The following SPAG16 variants were observed in gnomAD, a reference collection of about 807,000 sequenced individuals.
SPAG16 encodes sperm-associated antigen 16 protein.
Under a neutral mutation model 80.4 loss-of-function variants are expected in SPAG16, and 86 were observed. The observed-to-expected ratio is 1.07, with a 90% confidence interval of 0.90 to 1.28. The LOEUF is 1.28. Ranked by LOEUF, SPAG16 falls within the 50% of genes most tolerant of loss-of-function variation. The pLI is 0.00. For missense variants in SPAG16, 870 were observed against 765.3 expected (o/e 1.14, Z -1.61); for synonymous variants, 294 against 265.9 (o/e 1.11, Z -1.03).
At chr2:213,665,655 C>G (rs2063573637) in intron 10 of SPAG16, among the ~76,000 whole-genome samples, 1 of 152,126 alleles carries the variant, frequency 6.6e-6, no homozygotes, top group African/African-American at 2.4e-5. Context: ...TTTCATCAAC[C>G]AATAAATACA....
chr2:213,442,352 T>A (rs1227660855), intron 9 of SPAG16, among the ~76,000 whole-genome samples: 1 of 152,244 alleles, frequency 6.6e-6, no homozygotes, highest in African/African-American at 2.4e-5. Flanking sequence ...TCTTTCCAAC[T>A]TGACCAGTAG....
At chr2:213,573,098 A>G (rs1367285691) in intron 10 of SPAG16, among the ~76,000 whole-genome samples, 2 of 152,072 alleles carry the variant, frequency 1.3e-5, no homozygotes, top group African/African-American at 2.4e-5. Flanking sequence ...GCTTTGGCTC[A>G]CGCACGGTGC....
intron 12 of SPAG16, among the ~76,000 whole-genome samples, chr2:213,935,201 C>CAAAA (rs397872306): frequency 9.7e-6 from 1 of 102,768 alleles, no homozygotes; most frequent in African/African-American, 3.7e-5. Context: ...GACTCCATCT[C>CAAAA]AAAAAAAAAA....
At chr2:214,055,887 A>T (rs1367531241) in intron 13 of SPAG16, among the ~76,000 whole-genome samples, 2 of 152,118 alleles carry the variant, frequency 1.3e-5, no homozygotes, top group Non-Finnish European at 2.9e-5. Context: ...ATCATTTATG[A>T]AAGGCATGTT....
intron 15 of SPAG16, among the ~76,000 whole-genome samples, chr2:214,217,329 C>CT (rs1368252814): frequency 1.3e-5 from 2 of 152,124 alleles, no homozygotes; most frequent in Non-Finnish European, 2.9e-5. Flanking sequence ...GTCAAAGCTC[C>CT]TGTTTGCATT....
chr2:213,344,649 A>G (rs1040387505), intron 6 of SPAG16, among the ~76,000 whole-genome samples: 6 of 151,338 alleles, frequency 4.0e-5, no homozygotes, highest in African/African-American at 1.2e-4. Context: ...TTGTCCTTGC[A>G]ATAGTTTGCT....
chr2:213,702,870 C>T (rs991001776), intron 10 of SPAG16, among the ~76,000 whole-genome samples: 1 of 152,164 alleles, frequency 6.6e-6, no homozygotes, highest in African/African-American at 2.4e-5. Context: ...GGAAGCCTAA[C>T]AATAGTACTA....
At chr2:213,884,502 C>A (rs374487133) in intron 11 of SPAG16, among the ~76,000 whole-genome samples, 51 of 152,024 alleles carry the variant, frequency 3.4e-4, no homozygotes, top group African/African-American at 1.2e-3. Flanking sequence ...GTAGTATCTA[C>A]GCTGTTCTCC....
At chr2:213,339,186 T>C (rs1452736992) in intron 5 of SPAG16, among the ~76,000 whole-genome samples, 1 of 152,206 alleles carries the variant, frequency 6.6e-6, no homozygotes, top group African/African-American at 2.4e-5. Context: ...TAGCATCCCA[T>C]ACGCTGATCC....
chr2:213,623,360 C>A (rs578080778), intron 10 of SPAG16, among the ~76,000 whole-genome samples: 2 of 151,874 alleles, frequency 1.3e-5, no homozygotes, highest in African/African-American at 2.4e-5. Context: ...GAATTCTATG[C>A]TTTCCTTGAA....
In SPAG16 at chr2:213,908,313, C is replaced by T. The variant is rs576302925; in HGVS notation, c.1215-21647C>T. Among the ~76,000 whole-genome samples the T allele has an allele frequency of 2.0e-5, 3 of 152,308 alleles. No homozygotes were observed. In the South Asian group the frequency reaches 6.2e-4, roughly 32 times the overall value. On this transcript the variant is annotated intron_variant, in intron 11 of 15. Coordinates refer to ENST00000331683, the MANE Select transcript of SPAG16 (RefSeq NM_024532.5). ...TTCACTCTTTTTCTGTGCTGTTCTGCACATCATTCTCCTTTTGAACTCCAC... is the reference window on the plus strand; with the variant it reads ...TTCACTCTTTTTCTGTGCTGTTCTGTACATCATTCTCCTTTTGAACTCCAC...
chr2:214,065,898 A>G (rs2050507001), intron 13 of SPAG16, among the ~76,000 whole-genome samples: 1 of 151,992 alleles, frequency 6.6e-6, no homozygotes, highest in African/African-American at 2.4e-5. Flanking sequence ...CTCTCTCCAA[A>G]CTTTGTCAAC....
chr2:213,563,541 G>A (rs896097047), intron 10 of SPAG16, among the ~76,000 whole-genome samples: 3 of 152,152 alleles, frequency 2.0e-5, no homozygotes, highest in Non-Finnish European at 4.4e-5. Flanking sequence ...GCTCTCACAT[G>A]GCAGACAGAG....
At chr2:213,388,556 C>T (rs1364499774) in intron 9 of SPAG16, among the ~76,000 whole-genome samples, 4 of 152,088 alleles carry the variant, frequency 2.6e-5, no homozygotes, top group Non-Finnish European at 4.4e-5. Flanking sequence ...AGAGACAGTC[C>T]ATAACAATAA....
intron 5 of SPAG16, among the ~76,000 whole-genome samples, chr2:213,327,835 C>T (rs1361786782): frequency 6.6e-6 from 1 of 152,012 alleles, no homozygotes; most frequent in Non-Finnish European, 1.5e-5. Context: ...TTGTGTGTGT[C>T]TGTTTTACTA....
intron 4 of SPAG16, 129 bp from the exon 5 acceptor site, chr2:213,317,090 A>C: frequency 1.9e-6 from 1 of 524,660 alleles, no homozygotes; most frequent in Non-Finnish European, 3.4e-6. Flanking sequence ...GGACATTTTA[A>C]CTTATAAATG....
intron 15 of SPAG16, among the ~76,000 whole-genome samples, chr2:214,282,032 A>G (rs1331117834): frequency 6.6e-6 from 1 of 152,198 alleles, no homozygotes; most frequent in East Asian, 1.9e-4. Context: ...TCTCATTATA[A>G]AGGAGAACAA....
chr2:214,384,161 C>A (rs1553570400), intron 15 of SPAG16, among the ~76,000 whole-genome samples: 2 of 152,208 alleles, frequency 1.3e-5, no homozygotes, highest in Non-Finnish European at 2.9e-5. Flanking sequence ...ATAAAGTACA[C>A]TTCCCCTTAA....
chr2:213,511,063 G>A (rs554385240), intron 10 of SPAG16, among the ~76,000 whole-genome samples: 10 of 152,138 alleles, frequency 6.6e-5, no homozygotes, highest in South Asian at 4.2e-4. Context: ...ATGCTAAATG[G>A]CATTTGGGTA....
Sources: allele counts gnomAD v4.1 joint callset (sites outside exome capture counted in the v4.1 genomes callset), GRCh38; gene constraint gnomAD v4.1.1; transcripts MANE v1.5; gene names NCBI Gene and HGNC (gene_info 2026-07-23, HGNC 2026-07-21).